SLFN12: variants seen among roughly 807,000 people sequenced by gnomAD.
SLFN12 encodes the protein schlafen family member 12.
In SLFN12, 25 loss-of-function variants were observed where a neutral mutation model predicts 29.1. The observed-to-expected ratio is 0.86, with a 90% CI of 0.63 to 1.20. The LOEUF is 1.20. SLFN12 is among the 50% of genes most tolerant of loss of function. The probability of loss-of-function intolerance (pLI) is 0.00; values close to 1 mark genes in which losing one functional copy is unlikely to be tolerated. For synonymous variants in SLFN12, 257 were observed against 238.7 expected, an observed-to-expected ratio of 1.08 and a Z score of -0.71; for missense variants, 660 against 666.2, an observed-to-expected ratio of 0.99 and a Z score of 0.10.
intron 3 of SLFN12, among the ~76,000 whole-genome samples, chr17:35,413,419 C>T (rs1567843804): frequency 6.6e-6 from 1 of 151,968 alleles, no homozygotes; most frequent in Non-Finnish European, 1.5e-5. Context: ...AAATTCTCAA[C>T]AAAATGCTAG....
chr17:35,421,157 C>T (rs1004953224), intron 2 of SLFN12, among the ~76,000 whole-genome samples: 1 of 150,940 alleles, frequency 6.6e-6, no homozygotes, highest in Non-Finnish European at 1.5e-5. Flanking sequence ...TGCAGTAAGC[C>T]GAGATCCTGC....
intron 1 of SLFN12, among the ~76,000 whole-genome samples, chr17:35,424,242 T>G (rs1205409502): frequency 6.6e-6 from 1 of 152,136 alleles, no homozygotes; most frequent in East Asian, 1.9e-4. Context: ...TATTTTTAAA[T>G]GTAACAAGTG....
intron 2 of SLFN12, among the ~76,000 whole-genome samples, chr17:35,421,488 T>C (rs1238150527): frequency 6.6e-6 from 1 of 150,846 alleles, no homozygotes; most frequent in African/African-American, 2.4e-5. Flanking sequence ...TTTTATGAAA[T>C]ATCTATCTTC....
chr17:35,419,204 T>G (rs1415914014), intron 3 of SLFN12, among the ~76,000 whole-genome samples: 1 of 152,080 alleles, frequency 6.6e-6, no homozygotes, highest in African/African-American at 2.4e-5. Flanking sequence ...TCCTAGTGTA[T>G]AGAAGGATCT....
intron 1 of SLFN12, among the ~76,000 whole-genome samples, chr17:35,427,293 C>T (rs973446123): frequency 2.0e-5 from 3 of 152,108 alleles, no homozygotes; most frequent in Non-Finnish European, 4.4e-5. Flanking sequence ...GTTGTTAGTT[C>T]AGCCAGTTTT....
intron 1 of SLFN12, among the ~76,000 whole-genome samples, chr17:35,424,405 T>TTA (rs1911883889): frequency 6.6e-6 from 1 of 150,898 alleles, no homozygotes; most frequent in Admixed American, 6.6e-5. Context: ...TGACTTAAGT[T>TTA]TAACTTTTTT....
At chr17:35,413,026 T>C (rs1911114139) in intron 3 of SLFN12, among the ~76,000 whole-genome samples, 2 of 143,816 alleles carry the variant, frequency 1.4e-5, no homozygotes, top group Admixed American at 7.0e-5. Flanking sequence ...GACTAGTCAA[T>C]AGGAAGACAG....
At chr17:35,426,378 A>G (rs960496620) in intron 1 of SLFN12, among the ~76,000 whole-genome samples, 8 of 152,040 alleles carry the variant, frequency 5.3e-5, no homozygotes, top group African/African-American at 1.9e-4. Flanking sequence ...GCCCAGGCCA[A>G]TGTCTTGGAT....
chr17:35,428,385 T>C (rs1330875190), intron 1 of SLFN12, among the ~76,000 whole-genome samples: 4 of 152,056 alleles, frequency 2.6e-5, no homozygotes, highest in African/African-American at 4.8e-5. Context: ...CTTTGGCCTG[T>C]ACCTTTTGCG....
intron 1 of SLFN12, 75 bp from the exon 2 acceptor site, chr17:35,423,143 C>CA (rs763182676): frequency 4.3e-5 from 63 of 1,464,520 alleles, no homozygotes; most frequent in African/African-American, 3.0e-4. Context: ...GAGGCAAATG[C>CA]AAAAAAATCC....
intron 2 of SLFN12, among the ~76,000 whole-genome samples, chr17:35,421,445 A>C (rs537120149): frequency 4.0e-5 from 6 of 151,636 alleles, no homozygotes; most frequent in African/African-American, 1.4e-4. Context: ...TTTTTGCACC[A>C]GGTAGGGCTA....
At chr17:35,426,772 G>A (rs1171788433) in intron 1 of SLFN12, among the ~76,000 whole-genome samples, 3 of 152,198 alleles carry the variant, frequency 2.0e-5, no homozygotes, top group Non-Finnish European at 4.4e-5. Flanking sequence ...TCAGCTCAAG[G>A]AAAAAGCTTA....
At position 35,420,451 on chromosome 17, in the gene SLFN12, A is replaced by G. The variant is rs550072036; in HGVS notation, c.1040-70T>C. On this transcript the variant is annotated intron_variant, in intron 2 of 3. Coordinates refer to ENST00000304905, the MANE Select transcript of SLFN12 (RefSeq NM_018042.5). ...CCCCAACTAACTAATGCATAGTATTATATATTAAAAGTCTACTTGTAACTG... is the reference window on the plus strand; with the variant it reads ...CCCCAACTAACTAATGCATAGTATTGTATATTAAAAGTCTACTTGTAACTG... The G allele has an allele frequency of 2.6e-5, 24 of 918,358 alleles. No individual in the cohort carries two copies. The East Asian group carries it at 5.6e-4, about 21-fold the overall frequency. The allele number at this position is 918,358 out of a possible 1,614,324, so 56.9% of individuals were successfully genotyped here. A position where few individuals can be genotyped will look rare whatever the true frequency, so the allele number is the denominator to read the frequency against.
At chr17:35,431,905 T>G (rs960470363) in intron 1 of SLFN12, 2 of 152,124 alleles carry the variant, frequency 1.3e-5, no homozygotes, top group African/African-American at 4.8e-5. Flanking sequence ...GAGTTCGCCC[T>G]GGAGAAGCTG....
At position 35,422,585 on chromosome 17, in the gene SLFN12, G is replaced by C; in HGVS notation, c.444C>G (p.Asp148Glu). The C allele has an allele frequency of 6.2e-7, 1 of 1,613,980 alleles. No homozygotes were observed. The highest frequency in any genetic ancestry group is 8.5e-7 in the Non-Finnish European group (1 of 1,179,986). Reference protein sequence around the residue: ...NATAALEFLKDMKKTRGRLYL... With the variant: ...NATAALEFLKEMKKTRGRLYL... Reference sequence around the variant, plus strand: ...ACAATCTCCCTCTAGTCTTTTTCATGTCTTTGAGGAACTCCAGTGCAGCAG... The same window carrying C: ...ACAATCTCCCTCTAGTCTTTTTCATCTCTTTGAGGAACTCCAGTGCAGCAG... The change falls in exon 2 of 4, where the codon GAC becomes GAG. Residue 148 changes from aspartate to glutamate, a missense_variant. Asp to Glu is a conservative substitution (Grantham distance 45). Coordinates refer to ENST00000304905, the MANE Select transcript of SLFN12 (RefSeq NM_018042.5).
At position 35,422,200 on chromosome 17, in the gene SLFN12, A is replaced by G. The variant is rs746202408; in HGVS notation, c.829T>C (p.Cys277Arg). Residue 277 changes from cysteine (C) to arginine (R), a missense_variant, in exon 2 of 4, where the codon TGT (cysteine) becomes CGT (arginine). Transcript: ENST00000304905. ...TAATTTATCTTCTTCTTCTCCATAC[A>G]GAAGTGATGCACAGGCATCTTCCTA... Reference protein sequence around the residue: ...SIRKMPVHHFCMEKKKINYSC... With the variant: ...SIRKMPVHHFRMEKKKINYSC... 2.5e-6 allele frequency: 4 copies of G among 1,614,144 alleles called. No individual in the cohort carries two copies. Among genetic ancestry groups the G allele is most frequent in the Non-Finnish European group, 3.4e-6 (4 of 1,180,008 alleles).
intron 1 of SLFN12, among the ~76,000 whole-genome samples, chr17:35,426,144 T>C (rs939187396): frequency 1.3e-5 from 2 of 151,856 alleles, no homozygotes; most frequent in South Asian, 2.1e-4. Flanking sequence ...TAATCTGTTT[T>C]TTTTTCTTAC....
intron 1 of SLFN12, among the ~76,000 whole-genome samples, chr17:35,430,790 C>T (rs753596550): frequency 6.6e-6 from 1 of 152,212 alleles, no homozygotes; most frequent in Non-Finnish European, 1.5e-5. Flanking sequence ...AAACAATCTC[C>T]TCATTAATCC....
In SLFN12 at chr17:35,411,533, C is replaced by T. The variant is rs150878441; in HGVS notation, c.1542G>A (p.Ser514=). Residue 514 remains serine (S), a synonymous_variant, in exon 4 of 4, where the codon TCG becomes TCA. Transcript: ENST00000304905. The part of the protein sequence containing the change: ...GMTSCQYDLR[S]QVIYPESYYF... Reference sequence around the variant, plus strand: ...AGTAGGATTCAGGGTAAATTACTTGCGACCTTAAATCATACTGGCAGCTTG... The same window carrying T: ...AGTAGGATTCAGGGTAAATTACTTGTGACCTTAAATCATACTGGCAGCTTG... The T allele has an allele frequency of 1.1e-5, 17 of 1,613,882 alleles. No individual in the cohort carries two copies. The highest frequency in any genetic ancestry group is 1.3e-5 in the African/African-American group (1 of 74,874).
Sources: gnomAD v4.1 joint callset for allele counts (sites outside exome capture counted in the v4.1 genomes callset) on GRCh38, gnomAD v4.1.1 for gene constraint, MANE v1.5 for transcripts, NCBI Gene and HGNC (gene_info 2026-07-23, HGNC 2026-07-21) for gene names.